Variants in DNAJC7 observed in about 807,000 individuals in gnomAD.
The protein encoded by DNAJC7 is dnaJ homolog subfamily C member 7.
In DNAJC7, 18 loss-of-function variants were observed where a neutral mutation model predicts 67.4. That is an observed-to-expected ratio of 0.27 (90% CI 0.18 to 0.40). DNAJC7 has a LOEUF of 0.40. DNAJC7 is among the 10% of genes least tolerant of loss of function. The pLI is 1.00. For missense variants in DNAJC7, 419 were observed against 613.8 expected, an observed-to-expected ratio of 0.68 and a Z score of 3.35; for synonymous variants, 220 against 207.8, an observed-to-expected ratio of 1.06 and a Z score of -0.50.
intron 2 of DNAJC7, among the ~76,000 whole-genome samples, chr17:41,999,129 C>G (rs1567964993): frequency 6.6e-6 from 1 of 151,910 alleles, no homozygotes; most frequent in South Asian, 2.1e-4. Flanking sequence ...GTTGCCCAGG[C>G]TGGAGTGCAG....
Position 41,978,064 on chromosome 17 carries a change from C to A in DNAJC7, c.1385-741G>T, listed in dbSNP as rs1186741371. ...TGTTTTGTCAGGGTAAGTATCATTC[C>A]CAATTAATACTCAACAAAACATATG... On this transcript the variant is annotated intron_variant, in intron 12 of 13. Coordinates refer to ENST00000457167, the MANE Select transcript of DNAJC7 (RefSeq NM_003315.4). Among the ~76,000 whole-genome samples the A allele has an allele frequency of 3.3e-5, 5 of 152,142 alleles. No homozygotes were observed. In the East Asian group the frequency reaches 9.6e-4, roughly 29 times the overall value.
intron 1 of DNAJC7, among the ~76,000 whole-genome samples, chr17:42,010,720 C>T (rs1555650954): frequency 6.6e-6 from 1 of 152,042 alleles, no homozygotes; most frequent in Non-Finnish European, 1.5e-5. Context: ...CCTGCTTGCC[C>T]CTCACACTCT....
intron 1 of DNAJC7, among the ~76,000 whole-genome samples, chr17:42,005,555 T>C (rs2051924961): frequency 6.6e-6 from 1 of 152,216 alleles, no homozygotes; most frequent in South Asian, 2.1e-4. Context: ...CTGGAATTGC[T>C]TGACATATCA....
intron 13 of DNAJC7, chr17:41,977,050 A>C: frequency 1.5e-6 from 1 of 649,946 alleles, no homozygotes; most frequent in Non-Finnish European, 2.6e-6. Context: ...GACCCTGCAG[A>C]GATGCGGTGG....
intron 12 of DNAJC7, among the ~76,000 whole-genome samples, chr17:41,979,414 G>T (rs904399844): frequency 6.6e-6 from 1 of 152,006 alleles, no homozygotes; most frequent in Non-Finnish European, 1.5e-5. Flanking sequence ...GCTCACGCCT[G>T]TAATCCCAGC....
chr17:41,980,222 G>C (rs547361478), intron 12 of DNAJC7, among the ~76,000 whole-genome samples: 1 of 151,282 alleles, frequency 6.6e-6, no homozygotes, highest in Non-Finnish European at 1.5e-5. Context: ...GCTAATTTTT[G>C]TATTTTTCAT....
intron 1 of DNAJC7, among the ~76,000 whole-genome samples, chr17:42,011,957 A>G (rs2052129274): frequency 6.6e-6 from 1 of 152,258 alleles, no homozygotes; most frequent in Non-Finnish European, 1.5e-5. Flanking sequence ...ATAGAGAAAT[A>G]AAAGGCAAAA....
intron 9 of DNAJC7, 67 bp from the exon 10 acceptor site, chr17:41,983,703 A>G (rs937642526): frequency 1.4e-6 from 2 of 1,401,544 alleles, no homozygotes; most frequent in South Asian, 1.3e-5. Context: ...GGATCACTCT[A>G]GGGCAAGAGG....
chr17:41,991,938 C>T (rs967020616), intron 5 of DNAJC7, among the ~76,000 whole-genome samples: 2 of 152,220 alleles, frequency 1.3e-5, no homozygotes, highest in Non-Finnish European at 2.9e-5. Flanking sequence ...GCCTTGGCCT[C>T]CCAAAGTGCT....
chr17:41,991,909 C>T (rs958999418), intron 5 of DNAJC7, among the ~76,000 whole-genome samples: 1 of 152,156 alleles, frequency 6.6e-6, no homozygotes, highest in Non-Finnish European at 1.5e-5. Context: ...TCGAACTCCT[C>T]GCCTCAAGTG....
intron 12 of DNAJC7, among the ~76,000 whole-genome samples, chr17:41,980,460 A>C (rs1339765972): frequency 1.3e-5 from 2 of 152,244 alleles, no homozygotes; most frequent in African/African-American, 2.4e-5. Context: ...ATCTCAGCTC[A>C]CTGCAACCTC....
rs1015305888 is a variant in DNAJC7, at chr17:41,991,508, C to T, written c.481-1126G>A. 4.0e-5 allele frequency among the ~76,000 whole-genome samples: 6 copies of T among 151,718 alleles called. 1 individual carries two copies. The South Asian group carries it at 1.2e-3, about 32-fold the overall frequency. On this transcript the variant is annotated intron_variant, in intron 5 of 13. Transcript: ENST00000457167. Reference sequence around the variant, plus strand: ...GCCATAAAGCATACTACCTTTCACGCTAAATAAAGGGAGAAAATCAAGGAT... The same window carrying T: ...GCCATAAAGCATACTACCTTTCACGTTAAATAAAGGGAGAAAATCAAGGAT...
At chr17:41,977,957 AAC>A (rs2051136602) in intron 12 of DNAJC7, among the ~76,000 whole-genome samples, 1 of 152,110 alleles carries the variant, frequency 6.6e-6, no homozygotes, top group African/African-American at 2.4e-5. Flanking sequence ...CTGTCTTAAT[AAC>A]AACAACAAAC....
Position 41,994,927 on chromosome 17 carries a change from T to G in DNAJC7, c.423A>C (p.Ala141=). ...QAQQEFKNAN[A]VMEYEKIAET... ...CTGCTATTTTCTCATATTCCATGAC[T>G]GCATTAGCATTCTTGAACTGCACCG... Residue 141 remains alanine (A), a synonymous_variant, in exon 5 of 14, where the codon GCA becomes GCC. Transcript: ENST00000457167. 1 of 1,613,918 alleles carries G rather than the reference T, an allele frequency of 6.2e-7. No individual in the cohort carries two copies. Among genetic ancestry groups the G allele is most frequent in the Non-Finnish European group, 8.5e-7 (1 of 1,179,856 alleles).
At chr17:42,013,240 A>G (rs2052167592) in intron 1 of DNAJC7, 2 of 152,232 alleles carry the variant, frequency 1.3e-5, no homozygotes, top group South Asian at 4.1e-4. Flanking sequence ...GCCTAGCCTT[A>G]TTTTAGTTTC....
At chr17:42,011,054 G>A (rs1221527008) in intron 1 of DNAJC7, 1 of 152,132 alleles carries the variant, frequency 6.6e-6, no homozygotes, top group Non-Finnish European at 1.5e-5. Context: ...AGAATACCTG[G>A]AAAGACCTCT....
intron 5 of DNAJC7, 110 bp downstream of exon 5, chr17:41,994,760 A>T: frequency 1.2e-6 from 1 of 819,174 alleles, no homozygotes. Context: ...GTGATAATTT[A>T]CTATTCTAGA....
At chr17:42,000,267 C>A (rs113287335) in intron 2 of DNAJC7, among the ~76,000 whole-genome samples, 7 of 150,878 alleles carry the variant, frequency 4.6e-5, no homozygotes, top group Admixed American at 4.0e-4. Flanking sequence ...TACAGGTGCC[C>A]GCCACCAGGC....
At chr17:41,984,233 C>T (rs1351687358) in intron 9 of DNAJC7, 1 of 148,014 alleles carries the variant, frequency 6.8e-6, no homozygotes, top group African/African-American at 2.5e-5. Flanking sequence ...TTCAGTAGCA[C>T]AAAAGAAAGG....
Sources: allele counts gnomAD v4.1 joint callset (sites outside exome capture counted in the v4.1 genomes callset), GRCh38; gene constraint gnomAD v4.1.1; transcripts MANE v1.5; gene names NCBI Gene and HGNC (gene_info 2026-07-23, HGNC 2026-07-21).